Variants in CYP8B1 observed in about 807,000 individuals in gnomAD.
The protein encoded by CYP8B1 is 7-alpha-hydroxycholest-4-en-3-one 12-alpha-hydroxylase.
For synonymous variants in CYP8B1, 221 were observed against 251.2 expected, an observed-to-expected ratio of 0.88 and a Z score of 1.14; for missense variants, 594 against 643.7, an observed-to-expected ratio of 0.92 and a Z score of 0.84.
rs138292874 is a variant in CYP8B1 at position 42,874,509 on chromosome 3, G to C, written c.1308C>G (p.Gly436=). 1 of 1,614,072 alleles carries C rather than the reference G, an allele frequency of 6.2e-7. No individual in the cohort carries two copies. Among genetic ancestry groups the C allele is most frequent in the Non-Finnish European group, 8.5e-7 (1 of 1,180,014 alleles). Residue 436 remains glycine (G), a synonymous_variant, in exon 1 of 1, where the codon GGC becomes GGG. Transcript: ENST00000316161. ...IHHYTMPWGS[G]VSICPGRFFA... is the part of the protein sequence containing the mutation. The stretch of plus-strand genomic sequence containing the variant: ...AGAACCTCCCAGGGCAGATGGAAAC[G>C]CCCGAACCCCAGGGCATGGTGTAGT...
chr3:42,875,191 A>G lies in CYP8B1; in HGVS notation c.626T>C (p.Phe209Ser). ...GACAAACCTTGGGAAAAGAAGGTCAAACTTGCGGAACTCCATGAATAACTC... is the reference window on the plus strand; with the variant it reads ...GACAAACCTTGGGAAAAGAAGGTCAGACTTGCGGAACTCCATGAATAACTC... Reference protein sequence around the residue: ...AGELFMEFRKFDLLFPRFVYS... With the variant: ...AGELFMEFRKSDLLFPRFVYS... The change falls in exon 1 of 1, where the codon TTT becomes TCT. Residue 209 changes from phenylalanine (F) to serine (S), a missense_variant. Phe to Ser is a radical substitution (Grantham distance 155). Transcript: ENST00000316161. 1 of 1,593,946 alleles carries G rather than the reference A, an allele frequency of 6.3e-7. No individual in the cohort carries two copies. Among genetic ancestry groups the G allele is most frequent in the South Asian group, 1.1e-5 (1 of 87,860 alleles).
Position 42,875,519 on chromosome 3 carries a change from CA to C in CYP8B1, c.297del (p.Phe99LeufsTer10), listed in dbSNP as rs778161370. ...AGCACCAGTTTTTTTGCATATTGCC[CA>C]AAGTCTAGTTTTCTCTGTGTGTCCT... ...ILKDTQRKLD[F>X]GQYAKKLVLK... On this transcript the variant is annotated frameshift_variant, in exon 1 of 1. Transcript: ENST00000316161. LOFTEE classifies it low-confidence loss of function (END_TRUNC). The C allele has an allele frequency of 6.5e-7, 1 of 1,542,176 alleles. No individual in the cohort carries two copies. Among genetic ancestry groups the C allele is most frequent in the Admixed American group, 2.0e-5 (1 of 50,928 alleles).
In CYP8B1 at chr3:42,873,462, G is replaced by A. The variant is rs1470639816; in HGVS notation, c.*849C>T. 2 of 152,186 alleles carry A rather than the reference G, an allele frequency of 1.3e-5. No homozygotes were observed. The highest frequency in any genetic ancestry group is 4.8e-5 in the African/African-American group (2 of 41,424). 9.4% of individuals were successfully genotyped at this position (152,186 alleles called of 1,614,324 possible). A position where few individuals can be genotyped will look rare whatever the true frequency, so the allele number is the denominator to read the frequency against. On this transcript the variant is annotated 3_prime_UTR_variant, in exon 1 of 1. Coordinates refer to ENST00000316161, the MANE Select transcript of CYP8B1 (RefSeq NM_004391.3). ...TGGCTAGTCTGAACTGGGAAGAACT[G>A]CAAAAGTACAGTACATACCAGACTT... is the stretch of plus-strand genomic sequence containing the variant.
Position 42,874,623 on chromosome 3 carries a change from A to C in CYP8B1, c.1194T>G (p.Pro398=), listed in dbSNP as rs578084493. 4 of 1,614,070 alleles carry C rather than the reference A, an allele frequency of 2.5e-6. No homozygotes were observed. The highest frequency in any genetic ancestry group is 2.2e-5 in the East Asian group (1 of 44,864). The stretch of plus-strand genomic sequence containing the variant: ...GATCGTACTTGAAGACGGTGGGCTC[A>C]GGGTGGATGTCAGGGTCCATGTGCA... ...LSVHMDPDIH[P]EPTVFKYDRF... is the part of the protein sequence containing the mutation. The change falls in exon 1 of 1, where the codon CCT becomes CCG. Residue 398 remains proline, a synonymous_variant. Coordinates refer to ENST00000316161, the MANE Select transcript of CYP8B1 (RefSeq NM_004391.3).
In CYP8B1 at chr3:42,875,187, G is replaced by C. The variant is rs965715046; in HGVS notation, c.630C>G (p.Asp210Glu). The C allele has an allele frequency of 1.3e-6, 2 of 1,597,106 alleles. No individual in the cohort carries two copies. The highest frequency in any genetic ancestry group is 1.7e-5 in the Admixed American group (1 of 58,694). The stretch of plus-strand genomic sequence containing the variant: ...AGTAGACAAACCTTGGGAAAAGAAG[G>C]TCAAACTTGCGGAACTCCATGAATA... ...GELFMEFRKF[D>E]LLFPRFVYSL... The change falls in exon 1 of 1, where the codon GAC (aspartate) becomes GAG (glutamate). Residue 210 changes from aspartate to glutamate, a missense_variant. Transcript: ENST00000316161.
Position 42,874,599 on chromosome 3 carries a change from A to T in CYP8B1, c.1218T>A (p.Asp406Glu). ...GGCTGCCATTAGGGTTGAGGAAGCG[A>T]TCGTACTTGAAGACGGTGGGCTCAG... ...IHPEPTVFKY[D>E]RFLNPNGSRK... Residue 406 changes from aspartate to glutamate, a missense_variant, in exon 1 of 1, where the codon GAT becomes GAA. Asp to Glu is a conservative substitution (Grantham distance 45). Transcript: ENST00000316161. The T allele has an allele frequency of 6.2e-7, 1 of 1,614,052 alleles. No homozygotes were observed. Among genetic ancestry groups the T allele is most frequent in the Non-Finnish European group, 8.5e-7 (1 of 1,180,004 alleles).
In CYP8B1 at chr3:42,875,522, A is replaced by C; in HGVS notation, c.295T>G (p.Phe99Val). ...ACCAGTTTTTTTGCATATTGCCCAA[A>C]GTCTAGTTTTCTCTGTGTGTCCTTG... ...ILKDTQRKLDFGQYAKKLVLK... is the reference protein window; with the variant it reads ...ILKDTQRKLDVGQYAKKLVLK... Residue 99 changes from phenylalanine to valine, a missense_variant, in exon 1 of 1, where the codon TTT (phenylalanine) becomes GTT (valine). Phe to Val is a conservative substitution (Grantham distance 50). Coordinates refer to ENST00000316161, the MANE Select transcript of CYP8B1 (RefSeq NM_004391.3). 6.5e-7 allele frequency: 1 copy of C among 1,540,436 alleles called. No homozygotes were observed. Among genetic ancestry groups the C allele is most frequent in the Non-Finnish European group, 8.8e-7 (1 of 1,141,994 alleles).
At position 42,873,348 on chromosome 3, in the gene CYP8B1, C is replaced by CA. The variant is rs67697900; in HGVS notation, c.*962dup. 52,206 of 138,868 alleles carry CA rather than the reference C, an allele frequency of 0.38. 9,871 individuals carry two copies. The highest frequency in any genetic ancestry group is 0.65 in the East Asian group (3,125 of 4,778). 8.6% of individuals were successfully genotyped at this position (138,868 alleles called of 1,614,324 possible). ...TGGGCAACAGAGTGAGACTCTGTCTCAAAAAAAAAAAAAGGTATCATTTCT... is the reference window on the plus strand; with the variant it reads ...TGGGCAACAGAGTGAGACTCTGTCTCAAAAAAAAAAAAAAGGTATCATTTCT... On this transcript the variant is annotated 3_prime_UTR_variant, in exon 1 of 1. Transcript: ENST00000316161.
At position 42,874,247 on chromosome 3, in the gene CYP8B1, G is replaced by T. The variant is rs572187445; in HGVS notation, c.*64C>A. On this transcript the variant is annotated 3_prime_UTR_variant, in exon 1 of 1. Coordinates refer to ENST00000316161, the MANE Select transcript of CYP8B1 (RefSeq NM_004391.3). ...AGTGGGGTCTTGGGGCTGCAGAGGG[G>T]TGAGAACAGGTGAGAGATGCAATAG... 1.2e-5 allele frequency: 17 copies of T among 1,476,514 alleles called. No homozygotes were observed. Among genetic ancestry groups the T allele is most frequent in the Middle Eastern group, 2.2e-4 (1 of 4,518 alleles). 91.5% of individuals were successfully genotyped at this position (1,476,514 alleles called of 1,614,324 possible).
rs763740338 is a variant in CYP8B1, at chr3:42,874,417, TC to T, written c.1399del (p.Asp467ThrfsTer92). 1 of 1,613,940 alleles carries T rather than the reference TC, an allele frequency of 6.2e-7. No individual in the cohort carries two copies. The highest frequency in any genetic ancestry group is 1.7e-5 in the Admixed American group (1 of 60,002). On this transcript the variant is annotated frameshift_variant, in exon 1 of 1. Transcript: ENST00000316161. LOFTEE classifies it low-confidence loss of function (END_TRUNC). Reference protein sequence around the residue: ...MVTHFDLELVDPDTPLPHVDP... With the variant: ...MVTHFDLELVXPDTPLPHVDP... ...AACATGGGGTAGTGGTGTGTCAGGG[TC>T]CACCAACTCTAAGTCAAAGTGTGTG...
Position 42,875,680 on chromosome 3 carries a change from G to A in CYP8B1, c.137C>T (p.Ala46Val). 6.7e-7 allele frequency: 1 copy of A among 1,496,880 alleles called. No individual in the cohort carries two copies. The allele number at this position is 1,496,880 out of a possible 1,614,324, so 92.7% of individuals were successfully genotyped here. ...AAACATATTCTTCCGGAAAGCCATGGCATGGCCAAGCCAGGGCACGGTACC... is the reference window on the plus strand; with the variant it reads ...AAACATATTCTTCCGGAAAGCCATGACATGGCCAAGCCAGGGCACGGTACC... Reference protein sequence around the residue: ...DKGTVPWLGHAMAFRKNMFEF... With the variant: ...DKGTVPWLGHVMAFRKNMFEF... Residue 46 changes from alanine to valine, a missense_variant, in exon 1 of 1, where the codon GCC becomes GTC. By Grantham distance (64) the Ala-to-Val change is moderately conservative. Coordinates refer to ENST00000316161, the MANE Select transcript of CYP8B1 (RefSeq NM_004391.3).
Position 42,875,869 on chromosome 3 carries a change from C to A in CYP8B1, c.-53G>T. On this transcript the variant is annotated 5_prime_UTR_variant, in exon 1 of 1. Coordinates refer to ENST00000316161, the MANE Select transcript of CYP8B1 (RefSeq NM_004391.3). ...GACACGCACACTGTTCCCTGGGTGC[C>A]AGAGAGCTTTGGGAGGCCTTGGAAA... 7.6e-7 allele frequency: 1 copy of A among 1,307,974 alleles called. No individual in the cohort carries two copies. Among genetic ancestry groups the A allele is most frequent in the African/African-American group, 1.5e-5 (1 of 66,298 alleles). The allele number at this position is 1,307,974 out of a possible 1,614,324, so 81.0% of individuals were successfully genotyped here.
At position 42,875,740 on chromosome 3, in the gene CYP8B1, C is replaced by T. The variant is rs779913482; in HGVS notation, c.77G>A (p.Arg26Gln). 19 of 1,439,722 alleles carry T rather than the reference C, an allele frequency of 1.3e-5. No homozygotes were observed. The highest frequency in any genetic ancestry group is 5.8e-5 in the African/African-American group (4 of 68,990). 89.2% of individuals were successfully genotyped at this position (1,439,722 alleles called of 1,614,324 possible). ...AGYLCLPGML[R>Q]QRRPWEPPLD... ...AGGGGGCTCCCATGGCCTGCGTTGTCGGAGCATCCCTGGCAGGCACAGGTA... is the reference window on the plus strand; with the variant it reads ...AGGGGGCTCCCATGGCCTGCGTTGTTGGAGCATCCCTGGCAGGCACAGGTA... The change falls in exon 1 of 1, where the codon CGA (arginine) becomes CAA (glutamine). Residue 26 changes from arginine (R) to glutamine (Q), a missense_variant. By Grantham distance (43) the Arg-to-Gln change is conservative (BLOSUM62 1). Coordinates refer to ENST00000316161, the MANE Select transcript of CYP8B1 (RefSeq NM_004391.3).
At position 42,875,595 on chromosome 3, in the gene CYP8B1, G is replaced by C; in HGVS notation, c.222C>G (p.Gly74=). 1.3e-6 allele frequency: 2 copies of C among 1,507,348 alleles called. No individual in the cohort carries two copies. Among genetic ancestry groups the C allele is most frequent in the South Asian group, 2.7e-5 (2 of 73,392 alleles). The allele number at this position is 1,507,348 out of a possible 1,614,324, so 93.4% of individuals were successfully genotyped here. The change falls in exon 1 of 1, where the codon GGC becomes GGG. Residue 74 remains glycine (G), a synonymous_variant. Coordinates refer to ENST00000316161, the MANE Select transcript of CYP8B1 (RefSeq NM_004391.3). The part of the protein sequence containing the change: ...HGDVFTVQLG[G]QYFTFVMDPL... ...GGTCCATGACGAAGGTGAAGTACTG[G>C]CCCCCTAGCTGCACTGTGAACACAT...
Position 42,874,251 on chromosome 3 carries a change from G to T in CYP8B1, c.*60C>A. 2 of 1,504,130 alleles carry T rather than the reference G, an allele frequency of 1.3e-6. No individual in the cohort carries two copies. The highest frequency in any genetic ancestry group is 9.1e-7 in the Non-Finnish European group (1 of 1,101,194). 93.2% of individuals were successfully genotyped at this position (1,504,130 alleles called of 1,614,324 possible). A position where few individuals can be genotyped will look rare whatever the true frequency, so the allele number is the denominator to read the frequency against. On this transcript the variant is annotated 3_prime_UTR_variant, in exon 1 of 1. Transcript: ENST00000316161. ...GGGTCTTGGGGCTGCAGAGGGGTGA[G>T]AACAGGTGAGAGATGCAATAGAACT...
rs2088502349 is a variant in CYP8B1 at position 42,874,805 on chromosome 3, G to C, written c.1012C>G (p.Pro338Ala). 1 of 1,613,462 alleles carries C rather than the reference G, an allele frequency of 6.2e-7. No individual in the cohort carries two copies. The highest frequency in any genetic ancestry group is 8.5e-7 in the Non-Finnish European group (1 of 1,179,564). The change falls in exon 1 of 1, where the codon CCA becomes GCA. Residue 338 changes from proline to alanine, a missense_variant. Pro to Ala is a conservative substitution (Grantham distance 27). Coordinates refer to ENST00000316161, the MANE Select transcript of CYP8B1 (RefSeq NM_004391.3). ...AFKLGALQHT[P>A]VLDSVVEETL... Reference sequence around the variant, plus strand: ...TCCTCCACCACGCTGTCTAGAACTGGGGTGTGTTGCAGGGCACCGAGTTTG... The same window carrying C: ...TCCTCCACCACGCTGTCTAGAACTGCGGTGTGTTGCAGGGCACCGAGTTTG...
rs2088483493 is a variant in CYP8B1, at chr3:42,872,782, C to T, written c.*1529G>A. On this transcript the variant is annotated 3_prime_UTR_variant, in exon 1 of 1. Transcript: ENST00000316161. ...GGGGGTGTACTGATAGGACGGGGGC[C>T]TGCTTGTATGAAGGTGAAAGAGGAG... 1 of 152,268 alleles carries T rather than the reference C, an allele frequency of 6.6e-6. No individual in the cohort carries two copies. The highest frequency in any genetic ancestry group is 2.4e-5 in the African/African-American group (1 of 41,318). The allele number at this position is 152,268 out of a possible 1,614,324, so 9.4% of individuals were successfully genotyped here.
rs749998299 is a variant in CYP8B1, at chr3:42,874,415, G to C, written c.1402C>G (p.Pro468Ala). The C allele has an allele frequency of 6.2e-7, 1 of 1,614,020 alleles. No homozygotes were observed. Among genetic ancestry groups the C allele is most frequent in the East Asian group, 2.2e-5 (1 of 44,866 alleles). Residue 468 changes from proline to alanine, a missense_variant, in exon 1 of 1, where the codon CCT becomes GCT. By Grantham distance (27) the Pro-to-Ala change is conservative. Coordinates refer to ENST00000316161, the MANE Select transcript of CYP8B1 (RefSeq NM_004391.3). ...TCAACATGGGGTAGTGGTGTGTCAG[G>C]GTCCACCAACTCTAAGTCAAAGTGT... ...VTHFDLELVD[P>A]DTPLPHVDPQ...
rs1271649120 is a variant in CYP8B1 at position 42,875,064 on chromosome 3, G to A, written c.753C>T (p.Ile251=). ...GAAGCATGTTGCCCAGCCAGTTGCT[G>A]ATGCCCTCCTTCTCCTGGCTGTGGC... ...SVSHSQEKEG[I]SNWLGNMLQF... Residue 251 remains isoleucine (I), a synonymous_variant, in exon 1 of 1, where the codon ATC becomes ATT. Coordinates refer to ENST00000316161, the MANE Select transcript of CYP8B1 (RefSeq NM_004391.3). 9.9e-6 allele frequency: 16 copies of A among 1,613,924 alleles called. No homozygotes were observed. Among genetic ancestry groups the A allele is most frequent in the Middle Eastern group, 1.6e-4 (1 of 6,062 alleles).
Sources: gnomAD v4.1 joint callset for allele counts on GRCh38, gnomAD v4.1.1 for gene constraint, MANE v1.5 for transcripts, NCBI Gene and HGNC (gene_info 2026-07-23, HGNC 2026-07-21) for gene names.